Variants in CELF2 observed in about 807,000 individuals in gnomAD.
CELF2 encodes CUGBP Elav-like family member 2, also known as CUG triplet repeat RNA-binding protein 2.
CELF2 carries 8 observed loss-of-function variants against 62.6 expected under a neutral mutation model. That is an observed-to-expected ratio of 0.13 (90% CI 0.07 to 0.23). The LOEUF (loss-of-function observed/expected upper bound fraction) is 0.23. Ranked by LOEUF, CELF2 falls within the 10% of genes least tolerant of loss-of-function variation. The pLI is 1.00. For synonymous variants in CELF2, 258 were observed against 250.0 expected, an observed-to-expected ratio of 1.03 and a Z score of -0.30; for missense variants, 333 against 671.0, an observed-to-expected ratio of 0.50 and a Z score of 5.56.
In CELF2 at chr10:11,280,944, C is replaced by T. The variant is rs1476957805; in HGVS notation, c.841+5824C>T. Reference sequence around the variant, plus strand: ...AGCTAAGAATGGAGGAGCTCGGGCTCGCCTGGCTGCTTCTGATGCTGGCGT... The same window carrying T: ...AGCTAAGAATGGAGGAGCTCGGGCTTGCCTGGCTGCTTCTGATGCTGGCGT... On this transcript the variant is annotated intron_variant, in intron 8 of 12. Transcript: ENST00000633077. This position sits in a 1 kb window ranked among gnomAD's most constrained non-coding sequence, Gnocchi z 7.6. Among the ~76,000 whole-genome samples the T allele has an allele frequency of 2.6e-5, 4 of 151,886 alleles. No individual in the cohort carries two copies. The highest frequency in any genetic ancestry group is 1.9e-4 in the East Asian group (1 of 5,152).
chr10:11,291,827 G>C (rs2092568864), intron 9 of CELF2, among the ~76,000 whole-genome samples: 1 of 152,184 alleles, frequency 6.6e-6, no homozygotes, highest in Non-Finnish European at 1.5e-5. Context: ...CTTCCATTCA[G>C]CTTGCAAATG....
chr10:11,269,675 G>C lies in CELF2; in HGVS notation c.619-991G>C, dbSNP rs1255921891. On this transcript the variant is annotated intron_variant, in intron 6 of 12. Coordinates refer to ENST00000633077, the MANE Select transcript of CELF2 (RefSeq NM_001326342.2). This position sits in a 1 kb window ranked among gnomAD's most constrained non-coding sequence, Gnocchi z 4.4. ...AGGAGGAGAAGAGGCTGGGGAAGGAGGGGGAGACTTCTGCTGAGTTACTTA... is the reference window on the plus strand; with the variant it reads ...AGGAGGAGAAGAGGCTGGGGAAGGACGGGGAGACTTCTGCTGAGTTACTTA... Among the ~76,000 whole-genome samples the C allele has an allele frequency of 6.8e-6, 1 of 146,948 alleles. No individual in the cohort carries two copies. Among genetic ancestry groups the C allele is most frequent in the South Asian group, 2.5e-4 (1 of 4,070 alleles).
intron 2 of CELF2, among the ~76,000 whole-genome samples, chr10:10,975,014 A>G (rs2051165644): frequency 6.6e-6 from 1 of 152,232 alleles, no homozygotes; most frequent in Non-Finnish European, 1.5e-5. Flanking sequence ...AATGACATCA[A>G]TTCTTAGTTT....
chr10:10,532,778 G>A, the CELF2 span, among the ~76,000 whole-genome samples: 34 of 151,820 alleles, frequency 2.2e-4, no homozygotes, highest in African/African-American at 8.2e-4. Flanking sequence ...AGAGACCAGG[G>A]AGCCTTCTAA....
chr10:10,481,456 G>A, the CELF2 span, among the ~76,000 whole-genome samples: 1 of 152,086 alleles, frequency 6.6e-6, no homozygotes, highest in Non-Finnish European at 1.5e-5. Flanking sequence ...CTTCTTTGGG[G>A]AAAGGCATGA....
intron 1 of CELF2, among the ~76,000 whole-genome samples, chr10:10,848,216 T>C (rs1380565847): frequency 6.6e-6 from 1 of 152,250 alleles, no homozygotes. Context: ...ATGTGTTCAG[T>C]ACCCCTTTAT....
At chr10:10,792,802 C>T in the CELF2 span, among the ~76,000 whole-genome samples, 38,180 of 151,848 alleles carry the variant, frequency 0.25, 5,243 homozygotes, top group East Asian at 0.52. Context: ...GCTCTTTTTT[C>T]CCCCCTACTG....
chr10:11,031,702 G>A (rs933479952), intron 1 of CELF2, among the ~76,000 whole-genome samples: 2 of 152,074 alleles, frequency 1.3e-5, no homozygotes, highest in Non-Finnish European at 2.9e-5. Context: ...ATTTTCAAGT[G>A]ACTGAAAATT....
At chr10:10,513,827 G>A in the CELF2 span, among the ~76,000 whole-genome samples, 5 of 152,172 alleles carry the variant, frequency 3.3e-5, no homozygotes, top group Non-Finnish European at 7.3e-5. Context: ...GCAAAGCCTG[G>A]TTCCCTCTCT....
At chr10:11,222,187 G>A (rs2136075709) in intron 3 of CELF2, among the ~76,000 whole-genome samples, 1 of 152,304 alleles carries the variant, frequency 6.6e-6, no homozygotes, top group East Asian at 1.9e-4. Flanking sequence ...GACTCTCACT[G>A]GGGCCAAATT....
the CELF2 span, among the ~76,000 whole-genome samples, chr10:10,595,722 C>T: frequency 6.6e-6 from 1 of 152,070 alleles, no homozygotes; most frequent in South Asian, 2.1e-4. Flanking sequence ...TGGTGAAACC[C>T]CCATCTCTAC....
intron 1 of CELF2, among the ~76,000 whole-genome samples, chr10:11,158,988 C>T (rs2065108495): frequency 6.6e-6 from 1 of 152,174 alleles, no homozygotes. Context: ...TGAACCTTTT[C>T]TTCAGAGGAG....
chr10:11,052,463 A>G (rs1210814733), intron 1 of CELF2, among the ~76,000 whole-genome samples: 1 of 152,120 alleles, frequency 6.6e-6, no homozygotes, highest in South Asian at 2.1e-4. Flanking sequence ...TCAGATGCTG[A>G]TGCTTGTTTC....
At chr10:11,126,140 T>C (rs1004543861) in intron 1 of CELF2, among the ~76,000 whole-genome samples, 2 of 152,224 alleles carry the variant, frequency 1.3e-5, no homozygotes, top group Non-Finnish European at 2.9e-5. Context: ...TAAGGATGAG[T>C]TCATTTACGA....
rs530855829 is a variant in CELF2 at position 10,968,903 on chromosome 10, T to C, written c.89+48904T>C. On this transcript the variant is annotated intron_variant, in intron 2 of 13. Coordinates refer to the CELF2 transcript ENST00000636488. ...TAATGACTGGAGCTAAAATGAATAA[T>C]AAGTTATAATGACTCTAAGAATAAC... Among the ~76,000 whole-genome samples, 6 of 152,318 alleles carry C rather than the reference T, an allele frequency of 3.9e-5. No individual in the cohort carries two copies. In the East Asian group the frequency reaches 1.2e-3, roughly 29 times the overall value.
intron 2 of CELF2, among the ~76,000 whole-genome samples, chr10:10,975,575 A>G (rs1031208324): frequency 6.6e-6 from 1 of 152,252 alleles, no homozygotes; most frequent in Non-Finnish European, 1.5e-5. Context: ...CATCTAATTC[A>G]TGGAGATCTT....
rs57666869 is a variant in CELF2, at chr10:11,323,424, AAATAATAAT to A, written c.1294+2069_1294+2077del. Among the ~76,000 whole-genome samples the A allele has an allele frequency of 4.6e-3, 645 of 141,640 alleles. 3 individuals carry two copies. The highest frequency in any genetic ancestry group is 0.011 in the South Asian group (49 of 4,350). The allele number at this position is 141,640 out of a possible 152,430, so 92.9% of individuals were successfully genotyped here. On this transcript the variant is annotated intron_variant, in intron 11 of 12. Coordinates refer to ENST00000633077, the MANE Select transcript of CELF2 (RefSeq NM_001326342.2). ...AAGCAAATGATGCCAGGCAGAGCAA[AAATAATAAT>A]AATAATAATAATAATAATAATAATA...
chr10:11,140,212 T>C (rs569275515), intron 1 of CELF2, among the ~76,000 whole-genome samples: 1 of 152,348 alleles, frequency 6.6e-6, no homozygotes, highest in East Asian at 1.9e-4. Flanking sequence ...GCAAGAATTA[T>C]ATTAGATTTC....
At chr10:10,782,367 C>G in the CELF2 span, among the ~76,000 whole-genome samples, 1 of 152,252 alleles carries the variant, frequency 6.6e-6, no homozygotes, top group South Asian at 2.1e-4. Context: ...TGAGATGTCC[C>G]AGCTCAATCA....
Sources: allele counts gnomAD v4.1 joint callset (sites outside exome capture counted in the v4.1 genomes callset), GRCh38; gene constraint gnomAD v4.1.1; non-coding constraint Gnocchi (gnomAD v3.1); transcripts MANE v1.5; gene names NCBI Gene and HGNC (gene_info 2026-07-23, HGNC 2026-07-21).